Variants in MGAT4C observed in about 807,000 individuals in gnomAD.
MGAT4C encodes the protein MGAT4 family member C, also known as alpha-1,3-mannosyl-glycoprotein 4-beta-N-acetylglucosaminyltransferase C.
Under a neutral mutation model 40.1 loss-of-function variants are expected in MGAT4C, and 19 were observed. The ratio of observed to expected loss-of-function variants is 0.47; its 90% CI spans 0.33 to 0.70. MGAT4C has a LOEUF of 0.70. MGAT4C is among the 30% of genes least tolerant of loss of function. MGAT4C has a pLI of 0.02. For missense variants in MGAT4C, 491 were observed against 563.2 expected (o/e 0.87, Z 1.30); for synonymous variants, 181 against 187.1 (o/e 0.97, Z 0.27).
chr12:86,375,097 A>G (rs1239629501), intron 3 of MGAT4C, among the ~76,000 whole-genome samples: 1 of 152,136 alleles, frequency 6.6e-6, no homozygotes, highest in Admixed American at 6.6e-5. Flanking sequence ...TTGTCACTCA[A>G]TTATGATTTC....
In MGAT4C at chr12:85,975,455, T is replaced by C. The variant is rs2136668240; in HGVS notation, c.*3834A>G. The stretch of plus-strand genomic sequence containing the variant: ...CCTTTAAAAACATATGAGGTAAAAT[T>C]ATTCCTATTCACAGATGTAGAAACT... On this transcript the variant is annotated 3_prime_UTR_variant, in exon 5 of 5. Transcript: ENST00000611864. 1 of 151,084 alleles carries C rather than the reference T, an allele frequency of 6.6e-6. No homozygotes were observed. The highest frequency in any genetic ancestry group is 1.5e-5 in the Non-Finnish European group (1 of 67,142). 9.4% of individuals were successfully genotyped at this position (151,084 alleles called of 1,614,324 possible).
At chr12:86,549,862 T>C (rs374162533) in intron 2 of MGAT4C, among the ~76,000 whole-genome samples, 2 of 152,166 alleles carry the variant, frequency 1.3e-5, no homozygotes, top group African/African-American at 2.4e-5. Flanking sequence ...CCCACTTAGA[T>C]TGACCCAGAG....
chr12:86,689,572 C>CAG (rs2136594791), intron 2 of MGAT4C, among the ~76,000 whole-genome samples: 1 of 152,336 alleles, frequency 6.6e-6, no homozygotes, highest in East Asian at 1.9e-4. Context: ...TCAGGCTTCT[C>CAG]TTGTGCAGGT....
At chr12:86,526,809 C>T (rs1396913322) in intron 2 of MGAT4C, among the ~76,000 whole-genome samples, 1 of 152,140 alleles carries the variant, frequency 6.6e-6, no homozygotes, top group Non-Finnish European at 1.5e-5. Flanking sequence ...GCTTGCTGCC[C>T]CTACAACTTC....
At chr12:86,283,836 C>A (rs1229249724) in intron 4 of MGAT4C, among the ~76,000 whole-genome samples, 3 of 152,096 alleles carry the variant, frequency 2.0e-5, no homozygotes, top group Non-Finnish European at 4.4e-5. Flanking sequence ...TTTCTTCACC[C>A]TGACAGTTCT....
intron 1 of MGAT4C, among the ~76,000 whole-genome samples, chr12:86,192,439 C>G (rs529665468): frequency 6.6e-6 from 1 of 152,068 alleles, no homozygotes; most frequent in Non-Finnish European, 1.5e-5. Context: ...GAGGACATTA[C>G]AGCTGCCTTC....
intron 4 of MGAT4C, among the ~76,000 whole-genome samples, chr12:86,322,969 A>G (rs1954432662): frequency 2.0e-5 from 3 of 152,026 alleles, no homozygotes; most frequent in African/African-American, 7.2e-5. Flanking sequence ...AATTATTAAG[A>G]TGTTTATAAA....
At chr12:86,787,858 C>T (rs1477466010) in intron 1 of MGAT4C, among the ~76,000 whole-genome samples, 5 of 152,114 alleles carry the variant, frequency 3.3e-5, no homozygotes, top group African/African-American at 1.2e-4. Flanking sequence ...GCCATCCTTC[C>T]ACCTCAGTCT....
intron 4 of MGAT4C, among the ~76,000 whole-genome samples, chr12:86,304,992 C>T (rs1446327633): frequency 2.0e-5 from 3 of 150,646 alleles, no homozygotes; most frequent in African/African-American, 7.5e-5. Context: ...TTTTAAATCA[C>T]CTAGTGTATG....
At chr12:86,224,385 G>C (rs1235514911) in intron 1 of MGAT4C, among the ~76,000 whole-genome samples, 1 of 152,054 alleles carries the variant, frequency 6.6e-6, no homozygotes, top group Non-Finnish European at 1.5e-5. Flanking sequence ...GCCTGCTTTA[G>C]ATAGATCATC....
At chr12:86,121,944 A>G (rs1019082990) in intron 1 of MGAT4C, among the ~76,000 whole-genome samples, 1 of 152,234 alleles carries the variant, frequency 6.6e-6, no homozygotes. Context: ...TTGTGATCAT[A>G]ACAGCTCAAA....
chr12:86,489,508 G>C (rs1958089894), intron 2 of MGAT4C, among the ~76,000 whole-genome samples: 1 of 152,198 alleles, frequency 6.6e-6, no homozygotes, highest in Non-Finnish European at 1.5e-5. Flanking sequence ...AGGGCCTATT[G>C]AGCTGATAAC....
intron 2 of MGAT4C, among the ~76,000 whole-genome samples, chr12:86,648,914 A>G (rs2136532066): frequency 6.6e-6 from 1 of 151,530 alleles, no homozygotes; most frequent in African/African-American, 2.4e-5. Flanking sequence ...CTCTCTATAG[A>G]TTTTTTTCCT....
chr12:86,012,538 C>T (rs573273437), intron 2 of MGAT4C, among the ~76,000 whole-genome samples: 4 of 151,540 alleles, frequency 2.6e-5, no homozygotes, highest in Non-Finnish European at 4.4e-5. Flanking sequence ...GTCAGGAGCT[C>T]GAGACCAGCC....
chr12:86,424,338 T>C (rs940090752), intron 3 of MGAT4C, among the ~76,000 whole-genome samples: 17 of 152,234 alleles, frequency 1.1e-4, no homozygotes, highest in African/African-American at 4.1e-4. Flanking sequence ...TCACAGGAAG[T>C]GCACTATGCA....
rs1054841831 is a variant in MGAT4C at position 86,822,161 on chromosome 12, G to A, written c.-262+16505C>T. ...TAACATATGTGATGTAGACCCCAAG[G>A]TCACCACACACATTAAAGAAAAAAA... On this transcript the variant is annotated intron_variant, in intron 1 of 7. Transcript: ENST00000548651. Among the ~76,000 whole-genome samples the A allele has an allele frequency of 2.0e-5, 3 of 150,478 alleles. No homozygotes were observed. In the Admixed American group the frequency reaches 2.0e-4, roughly 10 times the overall value.
chr12:86,134,812 G>A (rs758634838), intron 1 of MGAT4C, among the ~76,000 whole-genome samples: 1 of 152,128 alleles, frequency 6.6e-6, no homozygotes, highest in African/African-American at 2.4e-5. Flanking sequence ...CTGGGATGAT[G>A]AACAGTGGAG....
chr12:86,658,088 A>G (rs1160302991), intron 2 of MGAT4C, among the ~76,000 whole-genome samples: 2 of 152,008 alleles, frequency 1.3e-5, no homozygotes, highest in African/African-American at 4.8e-5. Flanking sequence ...GTTAAATGCT[A>G]TTAGGTCAAA....
chr12:86,033,065 A>G (rs551141893), intron 2 of MGAT4C, among the ~76,000 whole-genome samples: 1 of 149,694 alleles, frequency 6.7e-6, no homozygotes, highest in South Asian at 2.1e-4. Context: ...TTTCAAGGTC[A>G]GATGGTTTTA....
Sources: allele counts gnomAD v4.1 joint callset (sites outside exome capture counted in the v4.1 genomes callset), GRCh38; gene constraint gnomAD v4.1.1; transcripts MANE v1.5; gene names NCBI Gene and HGNC (gene_info 2026-07-23, HGNC 2026-07-21).